The following TMC2 variants were observed in gnomAD, a reference collection of about 807,000 sequenced individuals.
TMC2 encodes the protein transmembrane channel-like protein 2.
A neutral mutation model predicts 105.9 loss-of-function variants in TMC2; 102 were observed. The ratio of observed to expected loss-of-function variants is 0.96; its 90% confidence interval spans 0.82 to 1.14. The LOEUF (loss-of-function observed/expected upper bound fraction) is 1.14. Ranked by LOEUF, TMC2 falls within the 50% of genes most tolerant of loss-of-function variation. The probability of loss-of-function intolerance (pLI) is 0.00; values close to 1 mark genes in which losing one functional copy is unlikely to be tolerated. For synonymous variants in TMC2, 402 were observed against 422.8 expected, an observed-to-expected ratio of 0.95 and a Z score of 0.60; for missense variants, 1,093 against 1,134.3, an observed-to-expected ratio of 0.96 and a Z score of 0.52.
rs2086030179 is a variant in TMC2 at position 2,562,015 on chromosome 20, G to A, written c.554+5G>A. The A allele has an allele frequency of 6.2e-7, 1 of 1,612,916 alleles. No individual in the cohort carries two copies. The highest frequency in any genetic ancestry group is 1.7e-5 in the Admixed American group (1 of 59,848). ...GAAGAAGCTGACAGAGCTCAGGTGA[G>A]CAGGCTGCGGGTCAGCCAGGGCCTT... On this transcript the variant is annotated splice_donor_5th_base_variant and intron_variant, in intron 4 of 19. Transcript: ENST00000358864.
chr20:2,538,904 T>A (rs2085869879), intron 2 of TMC2, among the ~76,000 whole-genome samples: 1 of 152,206 alleles, frequency 6.6e-6, no homozygotes, highest in Non-Finnish European at 1.5e-5. Context: ...CATCCTTCCC[T>A]TTATACTCTA....
intron 4 of TMC2, among the ~76,000 whole-genome samples, chr20:2,570,409 A>AAAAAT (rs1412146786): frequency 1.2e-4 from 18 of 152,156 alleles, no homozygotes; most frequent in African/African-American, 2.9e-4. Flanking sequence ...CAATAGTCAC[A>AAAAAT]AAAATAAAAT....
At chr20:2,610,175 G>A (rs112394577) in intron 11 of TMC2, among the ~76,000 whole-genome samples, 50 of 152,246 alleles carry the variant, frequency 3.3e-4, no homozygotes, top group African/African-American at 1.2e-3. Context: ...ATCAATACTA[G>A]TAACAACAAC....
At chr20:2,623,600 G>A (rs1354230903) in intron 16 of TMC2, among the ~76,000 whole-genome samples, 1 of 151,996 alleles carries the variant, frequency 6.6e-6, no homozygotes, top group Non-Finnish European at 1.5e-5. Flanking sequence ...TGATAAATGG[G>A]GGATCAAGGA....
chr20:2,612,806 A>T (rs1177620723), intron 13 of TMC2, among the ~76,000 whole-genome samples: 1 of 152,232 alleles, frequency 6.6e-6, no homozygotes, highest in Non-Finnish European at 1.5e-5. Flanking sequence ...GGCAGCTGGC[A>T]CTTCAGAATA....
intron 5 of TMC2, among the ~76,000 whole-genome samples, chr20:2,576,468 G>A (rs1157397775): frequency 2.0e-5 from 3 of 152,178 alleles, no homozygotes; most frequent in Admixed American, 2.0e-4. Context: ...GAACCGACCG[G>A]CAGGCTGTGC....
intron 7 of TMC2, among the ~76,000 whole-genome samples, chr20:2,584,421 G>A (rs932137550): frequency 1.4e-5 from 2 of 144,886 alleles, no homozygotes; most frequent in African/African-American, 2.7e-5. Context: ...TCCAGCCTGG[G>A]CGACAGAGCG....
intron 14 of TMC2, chr20:2,613,630 C>G (rs866510218): frequency 1.4e-5 from 5 of 363,882 alleles, no homozygotes; most frequent in South Asian, 6.7e-5. Flanking sequence ...GGAATTGCAT[C>G]TGAGCAGCCT....
intron 4 of TMC2, among the ~76,000 whole-genome samples, chr20:2,570,937 G>A (rs1459889961): frequency 1.3e-5 from 2 of 152,090 alleles, no homozygotes; most frequent in African/African-American, 4.8e-5. Flanking sequence ...TGGGATAACT[G>A]GCTAGACATA....
intron 16 of TMC2, among the ~76,000 whole-genome samples, chr20:2,618,741 C>T (rs895747627): frequency 2.0e-5 from 3 of 152,232 alleles, no homozygotes; most frequent in African/African-American, 4.8e-5. Context: ...CTGCCAACTC[C>T]GTAAAGAGAG....
chr20:2,575,147 C>G (rs986902599), intron 5 of TMC2, among the ~76,000 whole-genome samples: 1 of 152,190 alleles, frequency 6.6e-6, no homozygotes, highest in African/African-American at 2.4e-5. Flanking sequence ...CAACTGCACA[C>G]TCACATCTTA....
chr20:2,556,790 A>T lies in TMC2; in HGVS notation c.83-1666A>T, dbSNP rs576205372. ...AAGGCAGGTCTACTGACAACAAATT[A>T]TCTCCGTTTTTGTTTGTCTGAGAAA... On this transcript the variant is annotated intron_variant, in intron 2 of 19. Transcript: ENST00000358864. 1.3e-4 allele frequency among the ~76,000 whole-genome samples: 20 copies of T among 152,094 alleles called. 1 individual carries two copies. The highest frequency in any genetic ancestry group is 6.8e-3 in the Middle Eastern group (2 of 294).
In TMC2 at chr20:2,537,395, A is replaced by G. The variant is rs150167717; in HGVS notation, c.82+79A>G. 1.5e-4 allele frequency: 176 copies of G among 1,171,532 alleles called. No individual in the cohort carries two copies. In the East Asian group the frequency reaches 3.8e-3, roughly 25 times the overall value. 72.6% of individuals were successfully genotyped at this position (1,171,532 alleles called of 1,614,324 possible). On this transcript the variant is annotated intron_variant, in intron 2 of 19. Coordinates refer to ENST00000358864, the MANE Select transcript of TMC2 (RefSeq NM_080751.3). Reference sequence around the variant, plus strand: ...GCTTAGCCCAACAGTCCAGCCACCCATCCAACATTCTCCTTCATCTCCTTC... The same window carrying G: ...GCTTAGCCCAACAGTCCAGCCACCCGTCCAACATTCTCCTTCATCTCCTTC...
At chr20:2,639,519 T>C (rs2086673204) in intron 19 of TMC2, among the ~76,000 whole-genome samples, 1 of 152,250 alleles carries the variant, frequency 6.6e-6, no homozygotes, top group South Asian at 2.1e-4. Context: ...ATATAGCCTA[T>C]GTGTATAACA....
chr20:2,613,506 A>G (rs2086458917), intron 14 of TMC2, 184 bp downstream of exon 14: 1 of 801,004 alleles, frequency 1.2e-6, no homozygotes, highest in African/African-American at 1.7e-5. Flanking sequence ...TTCATAAGGG[A>G]AACTGCTTTT....
rs982725025 is a variant in TMC2 at position 2,553,059 on chromosome 20, AT to A, written c.83-5390del. Among the ~76,000 whole-genome samples the A allele has an allele frequency of 1.5e-3, 229 of 151,228 alleles. 1 individual carries two copies. The highest frequency in any genetic ancestry group is 5.5e-3 in the African/African-American group (223 of 40,624). On this transcript the variant is annotated intron_variant, in intron 2 of 19. Coordinates refer to ENST00000358864, the MANE Select transcript of TMC2 (RefSeq NM_080751.3). ...ACTATCTGTGAACAAAGACAGTTTT[AT>A]TTTTTTGTTCCCATTTAGTCTACTG...
At position 2,539,985 on chromosome 20, in the gene TMC2, C is replaced by CT. The variant is rs1359747232; in HGVS notation, c.82+2673dup. 1.5e-3 allele frequency among the ~76,000 whole-genome samples: 168 copies of CT among 113,636 alleles called. 1 individual carries two copies. Among genetic ancestry groups the CT allele is most frequent in the African/African-American group, 5.1e-3 (160 of 31,352 alleles). 74.5% of individuals were successfully genotyped at this position (113,636 alleles called of 152,430 possible). On this transcript the variant is annotated intron_variant, in intron 2 of 19. Coordinates refer to ENST00000358864, the MANE Select transcript of TMC2 (RefSeq NM_080751.3). ...GCACACAAGACTATTCTTTTCTTTT[C>CT]TTTTCTTTTTTTTTTTTTTTTTTGA... is the stretch of plus-strand genomic sequence containing the variant.
intron 17 of TMC2, among the ~76,000 whole-genome samples, chr20:2,630,187 C>G (rs1211438487): frequency 6.6e-5 from 10 of 152,156 alleles, no homozygotes; most frequent in Admixed American, 6.5e-4. Context: ...AAATTCAAGG[C>G]TCAGGAAAAG....
intron 2 of TMC2, among the ~76,000 whole-genome samples, chr20:2,553,543 T>C (rs191504274): frequency 6.6e-6 from 1 of 151,196 alleles, no homozygotes; most frequent in East Asian, 1.9e-4. Flanking sequence ...AGGTCTGTTT[T>C]TGTCTGGTTT....
Sources: gnomAD v4.1 joint callset for allele counts (sites outside exome capture counted in the v4.1 genomes callset) on GRCh38, gnomAD v4.1.1 for gene constraint, MANE v1.5 for transcripts, NCBI Gene and HGNC (gene_info 2026-07-23, HGNC 2026-07-21) for gene names.